The following CACNG3 variants were observed in gnomAD, a reference collection of about 807,000 sequenced individuals.
CACNG3 encodes the protein calcium voltage-gated channel auxiliary subunit gamma 3.
Under a neutral mutation model 28.5 loss-of-function variants are expected in CACNG3, and 3 were observed. The observed-to-expected ratio is 0.11, with a 90% CI of 0.05 to 0.27. CACNG3 has a LOEUF of 0.27. Among genes scored for constraint, CACNG3 ranks in the 10% least tolerant of loss-of-function variants. The pLI is 1.00. For missense variants in CACNG3, 236 were observed against 414.4 expected, an observed-to-expected ratio of 0.57 and a Z score of 3.74; for synonymous variants, 174 against 162.2, an observed-to-expected ratio of 1.07 and a Z score of -0.55.
At chr16:24,311,946 A>T (rs1041089478) in intron 1 of CACNG3, among the ~76,000 whole-genome samples, 6 of 152,280 alleles carry the variant, frequency 3.9e-5, no homozygotes, top group African/African-American at 1.4e-4. Context: ...TCCACAGACC[A>T]GGGTATTTCT....
At chr16:24,281,346 C>T (rs1033824605) in intron 1 of CACNG3, among the ~76,000 whole-genome samples, 4 of 151,870 alleles carry the variant, frequency 2.6e-5, no homozygotes, top group East Asian at 1.9e-4. Flanking sequence ...TACAGGCATG[C>T]ACCACCATAC....
intron 3 of CACNG3, among the ~76,000 whole-genome samples, chr16:24,358,979 A>T (rs1013768516): frequency 2.0e-5 from 3 of 152,176 alleles, no homozygotes; most frequent in Admixed American, 2.0e-4. Flanking sequence ...CGCCCTGTAA[A>T]TAATTGGCAA....
At chr16:24,285,839 T>C (rs1898885746) in intron 1 of CACNG3, among the ~76,000 whole-genome samples, 1 of 126,788 alleles carries the variant, frequency 7.9e-6, no homozygotes, top group Non-Finnish European at 1.6e-5. Flanking sequence ...TTTTTTTCTT[T>C]CTTTTCTTTT....
intron 1 of CACNG3, among the ~76,000 whole-genome samples, chr16:24,310,337 G>A (rs942088300): frequency 1.3e-5 from 2 of 152,202 alleles, no homozygotes; most frequent in Non-Finnish European, 2.9e-5. Context: ...GCCAAGGTGG[G>A]CGGATCACTT....
chr16:24,294,688 A>G (rs968613085), intron 1 of CACNG3, among the ~76,000 whole-genome samples: 4 of 152,180 alleles, frequency 2.6e-5, no homozygotes, highest in Non-Finnish European at 4.4e-5. Flanking sequence ...GGCATGAGCC[A>G]CTGTACCCAG....
At chr16:24,305,043 A>G (rs954974612) in intron 1 of CACNG3, among the ~76,000 whole-genome samples, 1 of 152,134 alleles carries the variant, frequency 6.6e-6, no homozygotes, top group Admixed American at 6.5e-5. Flanking sequence ...TGTGGCTGTC[A>G]GGGGCTTAAC....
chr16:24,327,436 G>A (rs1411107143), intron 1 of CACNG3, among the ~76,000 whole-genome samples: 4 of 67,266 alleles, frequency 5.9e-5, no homozygotes, highest in Admixed American at 5.4e-4. Context: ...GTGTGTGTGT[G>A]TGTATATATA....
Position 24,256,583 on chromosome 16 carries a change from G to A in CACNG3, c.-172G>A. 1 of 614,532 alleles carries A rather than the reference G, an allele frequency of 1.6e-6. No individual in the cohort carries two copies. Among genetic ancestry groups the A allele is most frequent in the Non-Finnish European group, 2.9e-6 (1 of 343,348 alleles). The allele number at this position is 614,532 out of a possible 1,614,324, so 38.1% of individuals were successfully genotyped here. The stretch of plus-strand genomic sequence containing the variant: ...CATAGGCGACCCAGGGAACTGGAGA[G>A]AGCTCCAGAAAGGAAATCCCAGCTT... On this transcript the variant is annotated 5_prime_UTR_variant, in exon 1 of 4. Transcript: ENST00000005284. This position sits in a 1 kb window ranked among gnomAD's most constrained non-coding sequence, Gnocchi z 4.6.
intron 1 of CACNG3, among the ~76,000 whole-genome samples, chr16:24,326,882 A>T (rs1899554154): frequency 6.6e-6 from 1 of 152,130 alleles, no homozygotes; most frequent in East Asian, 1.9e-4. Context: ...CCTTGACCAG[A>T]GAAACACGCC....
At chr16:24,272,247 T>C (rs1386118033) in intron 1 of CACNG3, among the ~76,000 whole-genome samples, 1 of 152,142 alleles carries the variant, frequency 6.6e-6, no homozygotes, top group Non-Finnish European at 1.5e-5. Flanking sequence ...CAAAAACATG[T>C]TCTCAATATA....
chr16:24,351,905 T>G lies in CACNG3; in HGVS notation c.296-2928T>G, dbSNP rs939505686. 2.7e-4 allele frequency among the ~76,000 whole-genome samples: 37 copies of G among 135,748 alleles called. No individual in the cohort carries two copies. In the Admixed American group the frequency reaches 3.0e-3, roughly 11 times the overall value. The allele number at this position is 135,748 out of a possible 152,430, so 89.1% of individuals were successfully genotyped here. ...TCGGCTCACTGCAAGCTCTGCCTCC[T>G]CCCGGGTTCACGCCATTCTCCTGCC... On this transcript the variant is annotated intron_variant, in intron 2 of 3. Coordinates refer to ENST00000005284, the MANE Select transcript of CACNG3 (RefSeq NM_006539.4).
intron 1 of CACNG3, among the ~76,000 whole-genome samples, chr16:24,308,856 AAAAAAAAAAAAGAAAAGAAAAAAG>A (rs1899222733): frequency 6.7e-6 from 1 of 149,676 alleles, no homozygotes; most frequent in African/African-American, 2.5e-5. Flanking sequence ...AAAAAAAAAA[AAAAAAAAAAAAGAAAAGAAAAAAG>A]AAAAAGATAA....
intron 1 of CACNG3, among the ~76,000 whole-genome samples, chr16:24,279,110 ACAGGGGCCGTGTCATG>A (rs972561892): frequency 3.3e-5 from 5 of 152,150 alleles, no homozygotes; most frequent in African/African-American, 1.2e-4. Flanking sequence ...GGAGAAGTAG[ACAGGGGCCGTGTCATG>A]CAGATCTTTG....
intron 1 of CACNG3, among the ~76,000 whole-genome samples, chr16:24,328,686 G>A (rs768381762): frequency 2.6e-5 from 4 of 152,106 alleles, no homozygotes; most frequent in African/African-American, 9.7e-5. Flanking sequence ...GTGAGGTGAG[G>A]ACCTGACGGC....
intron 1 of CACNG3, among the ~76,000 whole-genome samples, chr16:24,283,100 C>T (rs74849995): frequency 0.022 from 3,274 of 152,120 alleles, 44 homozygotes; most frequent in Non-Finnish European, 0.033. Context: ...GATCGCCTAA[C>T]CTTGTGATCT....
intron 1 of CACNG3, among the ~76,000 whole-genome samples, chr16:24,294,038 G>T (rs1187145822): frequency 6.6e-6 from 1 of 152,130 alleles, no homozygotes; most frequent in Non-Finnish European, 1.5e-5. Context: ...ATAGGAAATT[G>T]CTCTCACCTT....
chr16:24,293,848 C>A (rs1043027792), intron 1 of CACNG3, among the ~76,000 whole-genome samples: 1 of 152,096 alleles, frequency 6.6e-6, no homozygotes, highest in Non-Finnish European at 1.5e-5. Flanking sequence ...AGGGGAAATC[C>A]TCTCTTCCTC....
At chr16:24,308,079 T>C (rs1223784760) in intron 1 of CACNG3, among the ~76,000 whole-genome samples, 1 of 152,160 alleles carries the variant, frequency 6.6e-6, no homozygotes, top group African/African-American at 2.4e-5. Context: ...TCTGAACTGT[T>C]GATGTGTGGA....
intron 1 of CACNG3, among the ~76,000 whole-genome samples, chr16:24,336,801 TTTG>T (rs369517776): frequency 5.3e-5 from 8 of 151,904 alleles, no homozygotes; most frequent in Admixed American, 1.3e-4. Flanking sequence ...GATTTTCTTT[TTTG>T]TTGTTGTTGT....
Sources: gnomAD v4.1 joint callset for allele counts (sites outside exome capture counted in the v4.1 genomes callset) on GRCh38, gnomAD v4.1.1 for gene constraint, Gnocchi (gnomAD v3.1) non-coding constraint, MANE v1.5 for transcripts, NCBI Gene and HGNC (gene_info 2026-07-23, HGNC 2026-07-21) for gene names.